ATP6V0E1: variants seen among roughly 807,000 people sequenced by gnomAD.
ATP6V0E1 encodes V-type proton ATPase subunit e 1.
In ATP6V0E1, 4 loss-of-function variants were observed where a neutral mutation model predicts 11.6. The ratio of observed to expected loss-of-function variants is 0.35; its 90% CI spans 0.17 to 0.79. The LOEUF (loss-of-function observed/expected upper bound fraction) is 0.79, where lower values mean the gene tolerates loss of function less well. ATP6V0E1 is among the 30% of genes least tolerant of loss of function. ATP6V0E1 has a pLI of 0.54. For synonymous variants in ATP6V0E1, 36 were observed against 34.8 expected (o/e 1.04, Z -0.13); for missense variants, 105 against 100.0 (o/e 1.05, Z -0.21).
intron 2 of ATP6V0E1, among the ~76,000 whole-genome samples, chr5:173,010,266 C>A (rs79026487): frequency 0.041 from 6,315 of 152,218 alleles, 194 homozygotes; most frequent in South Asian, 0.11. Context: ...ACATGAGAAA[C>A]TCCTTTGTGA....
At chr5:173,023,623 T>C (rs1169498215) in intron 3 of ATP6V0E1, among the ~76,000 whole-genome samples, 1 of 152,182 alleles carries the variant, frequency 6.6e-6, no homozygotes, top group Non-Finnish European at 1.5e-5. Context: ...GGCAGGCAGA[T>C]CACTTGAGCC....
At chr5:173,018,890 TA>T (rs1226604962) in intron 2 of ATP6V0E1, among the ~76,000 whole-genome samples, 1 of 151,628 alleles carries the variant, frequency 6.6e-6, no homozygotes, top group Non-Finnish European at 1.5e-5. Flanking sequence ...CCGTATCATA[TA>T]TAAGACCCTT....
intron 3 of ATP6V0E1, among the ~76,000 whole-genome samples, chr5:173,031,419 C>CTTTTT (rs564495625): frequency 7.7e-6 from 1 of 129,088 alleles, no homozygotes; most frequent in Non-Finnish European, 1.6e-5. Flanking sequence ...CCTTATGACT[C>CTTTTT]TTTTTTTTTT....
intron 2 of ATP6V0E1, among the ~76,000 whole-genome samples, chr5:172,995,905 C>T (rs1756058679): frequency 6.6e-6 from 1 of 152,178 alleles, no homozygotes; most frequent in Non-Finnish European, 1.5e-5. Flanking sequence ...TGAGTCACTA[C>T]ACCCAGCCAG....
intron 1 of ATP6V0E1, among the ~76,000 whole-genome samples, chr5:172,992,151 C>T (rs945199092): frequency 1.3e-4 from 19 of 150,356 alleles, no homozygotes; most frequent in South Asian, 4.2e-4. Flanking sequence ...CCCGGGTTCA[C>T]GCCATTCTCC....
In ATP6V0E1 at chr5:173,017,197, C is replaced by T. The variant is rs114982306; in HGVS notation, c.153-3041C>T. Among the ~76,000 whole-genome samples, 1,317 of 152,218 alleles carry T rather than the reference C, an allele frequency of 8.7e-3. 19 individuals carry two copies. The highest frequency in any genetic ancestry group is 0.03 in the African/African-American group (1,256 of 41,532). ...ATAGGGAAATTTAAAGTCCTGAAAG[C>T]GTGAAAGGAGACTGCTGTAGTGATA... On this transcript the variant is annotated intron_variant, in intron 2 of 3. Coordinates refer to ENST00000519374, the MANE Select transcript of ATP6V0E1 (RefSeq NM_003945.4).
At chr5:173,030,921 GTATTTATTTATTTATTTATTTATT>G (rs33921331) in intron 3 of ATP6V0E1, among the ~76,000 whole-genome samples, 1 of 141,798 alleles carries the variant, frequency 7.1e-6, no homozygotes, top group Non-Finnish European at 1.5e-5. Context: ...GCTAATTTTT[GTATTTATTTATTTATTTATTTATT>G]TATTTATTTA....
chr5:173,013,678 A>G (rs2113601272), intron 2 of ATP6V0E1, among the ~76,000 whole-genome samples: 1 of 152,294 alleles, frequency 6.6e-6, no homozygotes, highest in East Asian at 1.9e-4. Flanking sequence ...AAGGACCTCA[A>G]ACAACTTAAC....
At chr5:173,032,310 T>C (rs144099583) in intron 3 of ATP6V0E1, among the ~76,000 whole-genome samples, 25,552 of 149,534 alleles carry the variant, frequency 0.17, 2,540 homozygotes, top group African/African-American at 0.24. Flanking sequence ...TATTTTGAGA[T>C]GGGGTCTTGC....
intron 1 of ATP6V0E1, among the ~76,000 whole-genome samples, chr5:172,987,655 A>G (rs1179682189): frequency 1.3e-5 from 2 of 152,068 alleles, no homozygotes; most frequent in Admixed American, 6.6e-5. Context: ...TACATTGTAC[A>G]TGTAAGAGTA....
At chr5:172,989,765 C>T (rs1466431167) in intron 1 of ATP6V0E1, among the ~76,000 whole-genome samples, 1 of 152,106 alleles carries the variant, frequency 6.6e-6, no homozygotes, top group African/African-American at 2.4e-5. Context: ...TGACCTCAGG[C>T]GATGCACCCA....
intron 2 of ATP6V0E1, among the ~76,000 whole-genome samples, chr5:172,998,293 T>C (rs898313241): frequency 6.6e-6 from 1 of 150,568 alleles, no homozygotes; most frequent in Non-Finnish European, 1.5e-5. Context: ...AGGGAATTCT[T>C]ATCACTGTGT....
intron 3 of ATP6V0E1, among the ~76,000 whole-genome samples, chr5:173,021,488 A>G (rs903931458): frequency 1.3e-5 from 2 of 152,150 alleles, no homozygotes; most frequent in East Asian, 3.9e-4. Context: ...TACCATGAGA[A>G]CAGTATGGGG....
Position 173,027,599 on chromosome 5 carries a change from T to A in ATP6V0E1, c.*37-6800T>A, listed in dbSNP as rs1756583601. Among the ~76,000 whole-genome samples the A allele has an allele frequency of 2.0e-5, 3 of 151,924 alleles. No individual in the cohort carries two copies. In the South Asian group the frequency reaches 6.2e-4, roughly 32 times the overall value. The stretch of plus-strand genomic sequence containing the variant: ...TATATATATTTTATATATATGTTTA[T>A]ACGTACGTGTGGGTTTTTGTTTTTG... On this transcript the variant is annotated intron_variant, in intron 3 of 3. Transcript: ENST00000519374.
At chr5:173,019,447 C>T (rs977285316) in intron 2 of ATP6V0E1, among the ~76,000 whole-genome samples, 2 of 151,574 alleles carry the variant, frequency 1.3e-5, no homozygotes, top group African/African-American at 4.9e-5. Context: ...CCCAGCTACT[C>T]GGGAGGCTGA....
intron 3 of ATP6V0E1, among the ~76,000 whole-genome samples, chr5:173,029,662 GT>G (rs1291312918): frequency 6.6e-6 from 1 of 152,082 alleles, no homozygotes; most frequent in Non-Finnish European, 1.5e-5. Flanking sequence ...AGGATTTTTT[GT>G]TTTGTTTTGT....
At chr5:173,016,273 T>C (rs141570101) in intron 2 of ATP6V0E1, among the ~76,000 whole-genome samples, 248 of 152,302 alleles carry the variant, frequency 1.6e-3, no homozygotes, top group South Asian at 3.5e-3. Context: ...AGGATTGAAT[T>C]GGAGGACACC....
chr5:173,027,059 G>GTCCC (rs763093920), intron 3 of ATP6V0E1, among the ~76,000 whole-genome samples: 5 of 150,772 alleles, frequency 3.3e-5, no homozygotes, highest in Admixed American at 6.6e-5. Context: ...GACGCCTGTA[G>GTCCC]TCCCAGCTAC....
At position 173,030,688 on chromosome 5, in the gene ATP6V0E1, C is replaced by T. The variant is rs576628813; in HGVS notation, c.*37-3711C>T. On this transcript the variant is annotated intron_variant, in intron 3 of 3. Transcript: ENST00000519374. ...ACTCCTGATCTCAGGTGATCCGCCC[C>T]GCCTCCCAGAGTGCTGAGATTACAG... is the stretch of plus-strand genomic sequence containing the variant. 5.9e-5 allele frequency among the ~76,000 whole-genome samples: 9 copies of T among 151,862 alleles called. No homozygotes were observed. In the East Asian group the frequency reaches 1.7e-3, roughly 29 times the overall value.
Sources: gnomAD v4.1 joint callset for allele counts (sites outside exome capture counted in the v4.1 genomes callset) on GRCh38, gnomAD v4.1.1 for gene constraint, MANE v1.5 for transcripts, NCBI Gene and HGNC (gene_info 2026-07-23, HGNC 2026-07-21) for gene names.